The following CSMD1 variants were observed in gnomAD, a reference collection of about 807,000 sequenced individuals.
CSMD1 encodes the protein CUB and Sushi multiple domains 1.
Under a neutral mutation model 417.5 loss-of-function variants are expected in CSMD1, and 213 were observed. The ratio of observed to expected loss-of-function variants is 0.51; its 90% CI spans 0.46 to 0.57. CSMD1 has a LOEUF of 0.57. Among genes scored for constraint, CSMD1 ranks in the 20% least tolerant of loss-of-function variants. The probability of loss-of-function intolerance (pLI) is 0.00; values close to 1 mark genes in which losing one functional copy is unlikely to be tolerated. For synonymous variants in CSMD1, 2,862 were observed against 1,736.8 expected (o/e 1.65, Z -16.11); for missense variants, 6,923 against 4,529.7 (o/e 1.53, Z -15.17).
chr8:4,421,669 G>T (rs1259306165), intron 2 of CSMD1, among the ~76,000 whole-genome samples: 2 of 151,934 alleles, frequency 1.3e-5, no homozygotes, highest in Admixed American at 6.6e-5. Flanking sequence ...ATTAAACTTT[G>T]TAAGACTCAG....
chr8:4,465,059 T>G (rs571701357), intron 2 of CSMD1, among the ~76,000 whole-genome samples: 1 of 152,206 alleles, frequency 6.6e-6, no homozygotes, highest in Non-Finnish European at 1.5e-5. Flanking sequence ...AGGCCGAGCA[T>G]TTCAGACTCA....
chr8:4,130,370 C>A (rs1266556135), intron 3 of CSMD1, among the ~76,000 whole-genome samples: 1 of 152,092 alleles, frequency 6.6e-6, no homozygotes, highest in Non-Finnish European at 1.5e-5. Context: ...GAATTTGATC[C>A]TAATTCCTTG....
At chr8:3,998,796 T>A (rs942084790) in intron 4 of CSMD1, among the ~76,000 whole-genome samples, 2 of 151,572 alleles carry the variant, frequency 1.3e-5, no homozygotes, top group African/African-American at 4.8e-5. Flanking sequence ...AAGTTTGCTA[T>A]AGAGTAAAAA....
intron 2 of CSMD1, among the ~76,000 whole-genome samples, chr8:4,568,991 C>G (rs1254250901): frequency 6.6e-6 from 1 of 151,932 alleles, no homozygotes; most frequent in Non-Finnish European, 1.5e-5. Context: ...TGTTTAAGTT[C>G]CTTATAAATT....
At chr8:3,509,162 A>T (rs1585275918) in intron 10 of CSMD1, among the ~76,000 whole-genome samples, 2 of 152,212 alleles carry the variant, frequency 1.3e-5, no homozygotes, top group South Asian at 4.1e-4. Context: ...GGTCAACTCA[A>T]AAGTTTCTAT....
intron 5 of CSMD1, among the ~76,000 whole-genome samples, chr8:3,840,601 T>A (rs1585074583): frequency 6.6e-6 from 1 of 152,164 alleles, no homozygotes; most frequent in East Asian, 1.9e-4. Context: ...AGTGTATGTA[T>A]AGGTGTGAGT....
At chr8:4,536,323 C>G (rs551321703) in intron 2 of CSMD1, among the ~76,000 whole-genome samples, 17 of 152,276 alleles carry the variant, frequency 1.1e-4, no homozygotes, top group African/African-American at 3.8e-4. Flanking sequence ...TTTCAGCACA[C>G]ACAACTTCCC....
At chr8:4,281,128 T>C (rs1380711649) in intron 3 of CSMD1, among the ~76,000 whole-genome samples, 1 of 152,176 alleles carries the variant, frequency 6.6e-6, no homozygotes, top group African/African-American at 2.4e-5. Flanking sequence ...GGCCCCTAGG[T>C]GGCACTCAGC....
intron 4 of CSMD1, among the ~76,000 whole-genome samples, chr8:4,016,868 G>C (rs1796547977): frequency 6.6e-6 from 1 of 152,170 alleles, no homozygotes; most frequent in South Asian, 2.1e-4. Flanking sequence ...AGCAGTTTTA[G>C]TTGGGTATGG....
chr8:2,938,422 C>T lies in CSMD1; in HGVS notation c.*163G>A. 1 of 646,378 alleles carries T rather than the reference C, an allele frequency of 1.5e-6. No homozygotes were observed. 40.0% of individuals were successfully genotyped at this position (646,378 alleles called of 1,614,324 possible). A position where few individuals can be genotyped will look rare whatever the true frequency, so the allele number is the denominator to read the frequency against. ...TAGTTTGATCCGTAGAAGACCCTGA[C>T]ACATTTGAGTAGAGATCCCCGCTGC... is the stretch of plus-strand genomic sequence containing the variant. On this transcript the variant is annotated 3_prime_UTR_variant, in exon 70 of 70. Coordinates refer to ENST00000635120, the MANE Select transcript of CSMD1 (RefSeq NM_033225.6).
At chr8:4,527,706 T>C (rs952591741) in intron 2 of CSMD1, among the ~76,000 whole-genome samples, 1 of 152,200 alleles carries the variant, frequency 6.6e-6, no homozygotes, top group Non-Finnish European at 1.5e-5. Flanking sequence ...TTCTTTCTAT[T>C]AATAGGTACA....
At chr8:4,462,559 T>A (rs1422377755) in intron 2 of CSMD1, among the ~76,000 whole-genome samples, 3 of 151,948 alleles carry the variant, frequency 2.0e-5, no homozygotes, top group Admixed American at 6.6e-5. Context: ...AAAAGAAAAA[T>A]TTCAATATTC....
At chr8:3,079,060 G>A (rs753456837) in intron 49 of CSMD1, among the ~76,000 whole-genome samples, 3 of 152,174 alleles carry the variant, frequency 2.0e-5, no homozygotes, top group Non-Finnish European at 4.4e-5. Flanking sequence ...AAATGCTGGG[G>A]ATGGGAGGAA....
At chr8:4,817,507 C>T (rs1218615490) in intron 1 of CSMD1, among the ~76,000 whole-genome samples, 1 of 152,224 alleles carries the variant, frequency 6.6e-6, no homozygotes, top group Non-Finnish European at 1.5e-5. Flanking sequence ...AGTTCTTATT[C>T]CAGCCACAGG....
At chr8:3,638,654 T>C (rs1322830356) in intron 7 of CSMD1, among the ~76,000 whole-genome samples, 1 of 152,118 alleles carries the variant, frequency 6.6e-6, no homozygotes, top group Non-Finnish European at 1.5e-5. Flanking sequence ...ATGGGCAAGA[T>C]GTACCTAGAA....
At chr8:3,383,469 G>A (rs1241033509) in intron 18 of CSMD1, among the ~76,000 whole-genome samples, 2 of 151,950 alleles carry the variant, frequency 1.3e-5, no homozygotes, top group Non-Finnish European at 2.9e-5. Flanking sequence ...AAAACCTCAT[G>A]CATGGAGGGA....
Position 4,961,841 on chromosome 8 carries a change from C to T in CSMD1, c.85+32491G>A, listed in dbSNP as rs1485390930. Among the ~76,000 whole-genome samples the T allele has an allele frequency of 2.0e-5, 3 of 151,884 alleles. No homozygotes were observed. The East Asian group carries it at 5.8e-4, about 29-fold the overall frequency. On this transcript the variant is annotated intron_variant, in intron 1 of 69. Transcript: ENST00000635120. Reference sequence around the variant, plus strand: ...TACTTTCTTGTTATTTCCTGTTGTCCACGTCTTGATTTCACTTTAAATTTT... The same window carrying T: ...TACTTTCTTGTTATTTCCTGTTGTCTACGTCTTGATTTCACTTTAAATTTT...
chr8:4,221,322 C>T (rs1170338423), intron 3 of CSMD1, among the ~76,000 whole-genome samples: 1 of 150,946 alleles, frequency 6.6e-6, no homozygotes, highest in African/African-American at 2.4e-5. Flanking sequence ...CTTACCACTT[C>T]TTGCTCACAA....
At chr8:4,383,430 C>A (rs1803236400) in intron 3 of CSMD1, among the ~76,000 whole-genome samples, 1 of 152,132 alleles carries the variant, frequency 6.6e-6, no homozygotes. Flanking sequence ...TTAAGTCCAG[C>A]CAGATACCAT....
Sources: gnomAD v4.1 joint callset for allele counts (sites outside exome capture counted in the v4.1 genomes callset) on GRCh38, gnomAD v4.1.1 for gene constraint, MANE v1.5 for transcripts, NCBI Gene and HGNC (gene_info 2026-07-23, HGNC 2026-07-21) for gene names.